The following C1GALT1 variants were observed in gnomAD, a reference collection of about 807,000 sequenced individuals.
C1GALT1 encodes glycoprotein-N-acetylgalactosamine 3-beta-galactosyltransferase 1.
In C1GALT1, 11 loss-of-function variants were observed where a neutral mutation model predicts 31.0. That is an observed-to-expected ratio of 0.36 (90% CI 0.22 to 0.59). The LOEUF (loss-of-function observed/expected upper bound fraction) is 0.59, where lower values mean the gene tolerates loss of function less well. Ranked by LOEUF, C1GALT1 falls within the 20% of genes least tolerant of loss-of-function variation. C1GALT1 has a pLI of 0.79. For synonymous variants in C1GALT1, 175 were observed against 143.6 expected (o/e 1.22, Z -1.56); for missense variants, 424 against 425.2 (o/e 1.00, Z 0.03).
At chr7:7,227,442 C>CG (rs957482637) in intron 1 of C1GALT1, among the ~76,000 whole-genome samples, 3 of 152,116 alleles carry the variant, frequency 2.0e-5, no homozygotes, top group Non-Finnish European at 4.4e-5. Flanking sequence ...AAGGGAAGGC[C>CG]GGGCGCGGTG....
chr7:7,210,303 G>A (rs955353934), intron 1 of C1GALT1: 1 of 152,358 alleles, frequency 6.6e-6, no homozygotes, highest in Non-Finnish European at 1.5e-5. Flanking sequence ...TGACTTGATT[G>A]CGAAGCATCT....
At chr7:7,189,691 T>G (rs552123746) in intron 1 of C1GALT1, among the ~76,000 whole-genome samples, 1 of 152,132 alleles carries the variant, frequency 6.6e-6, no homozygotes, top group Non-Finnish European at 1.5e-5. Context: ...TTGCCAGAAG[T>G]TTATCCAATG....
intron 1 of C1GALT1, among the ~76,000 whole-genome samples, chr7:7,205,699 T>C (rs1420935374): frequency 1.3e-5 from 2 of 152,224 alleles, no homozygotes; most frequent in African/African-American, 4.8e-5. Flanking sequence ...TGATTTAAAG[T>C]CAATTTTGTC....
intron 1 of C1GALT1, among the ~76,000 whole-genome samples, chr7:7,227,174 CTAATA>C (rs559236697): frequency 1.2e-4 from 19 of 152,142 alleles, no homozygotes; most frequent in South Asian, 8.3e-4. Flanking sequence ...TCAAATAAAT[CTAATA>C]TGTTAATTCT....
At chr7:7,178,320 C>G (rs538386614), upstream of C1GALT1, 8 of 228,896 alleles carry the variant, frequency 3.5e-5, no homozygotes, top group Non-Finnish European at 5.9e-5. Context: ...ATGCATCAGA[C>G]TGGTCATTTG....
intron 1 of C1GALT1, among the ~76,000 whole-genome samples, chr7:7,218,369 A>T (rs548134822): frequency 2.6e-5 from 4 of 152,212 alleles, no homozygotes; most frequent in Admixed American, 1.3e-4. Context: ...GGCATTGAAA[A>T]GTATTATATT....
chr7:7,217,490 C>T (rs1312753812), intron 1 of C1GALT1, among the ~76,000 whole-genome samples: 1 of 152,142 alleles, frequency 6.6e-6, no homozygotes, highest in Non-Finnish European at 1.5e-5. Flanking sequence ...ATGCCACCTG[C>T]ACCTGGCAGT....
chr7:7,240,871 A>G (rs1438404673), intron 3 of C1GALT1, among the ~76,000 whole-genome samples: 2 of 152,086 alleles, frequency 1.3e-5, no homozygotes, highest in Non-Finnish European at 2.9e-5. Context: ...AATCTTATAC[A>G]TACTTTTTTT....
rs1449304511 is a variant in C1GALT1, at chr7:7,182,785, C to G, written c.-53C>G. On this transcript the variant is annotated 5_prime_UTR_variant, in exon 1 of 4. Coordinates refer to ENST00000436587, the MANE Select transcript of C1GALT1 (RefSeq NM_020156.5). ...CCCAAGTCGTCCCCCTCTCCGCCCC[C>G]CAGGAGGGGCGAGAGGGAGCCGCAG... is the stretch of plus-strand genomic sequence containing the variant. The G allele has an allele frequency of 5.1e-6, 5 of 985,298 alleles. No individual in the cohort carries two copies. The highest frequency in any genetic ancestry group is 6.2e-5 in the Admixed American group (1 of 16,260). 61.0% of individuals were successfully genotyped at this position (985,298 alleles called of 1,614,324 possible). A position where few individuals can be genotyped will look rare whatever the true frequency, so the allele number is the denominator to read the frequency against.
At chr7:7,230,133 T>G (rs771154493) in intron 1 of C1GALT1, among the ~76,000 whole-genome samples, 21 of 152,180 alleles carry the variant, frequency 1.4e-4, no homozygotes, top group Non-Finnish European at 2.6e-4. Context: ...AGCATAAGCA[T>G]GGTGTGTTGT....
chr7:7,207,897 T>G (rs1311933504), intron 1 of C1GALT1, among the ~76,000 whole-genome samples: 2 of 152,186 alleles, frequency 1.3e-5, no homozygotes, highest in Admixed American at 1.3e-4. Flanking sequence ...AAGCTGGATA[T>G]GTAATACAAT....
chr7:7,173,702 G>C (rs895672439), intron 2 of C1GALT1, among the ~76,000 whole-genome samples: 1 of 152,112 alleles, frequency 6.6e-6, no homozygotes, highest in African/African-American at 2.4e-5. Flanking sequence ...AGGAGTTGAA[G>C]ACCAGTCTGC....
chr7:7,216,324 C>T (rs988697296), intron 1 of C1GALT1, among the ~76,000 whole-genome samples: 2 of 152,186 alleles, frequency 1.3e-5, no homozygotes, highest in Admixed American at 6.5e-5. Flanking sequence ...TGGATTCCGG[C>T]ACCTTCTTAA....
chr7:7,167,625 C>A (rs563124139), intron 2 of C1GALT1, among the ~76,000 whole-genome samples: 1 of 151,234 alleles, frequency 6.6e-6, no homozygotes, highest in Non-Finnish European at 1.5e-5. Context: ...TTGAGAGGGT[C>A]TTTTCAAGCA....
At chr7:7,171,358 T>G (rs1203645434) in intron 2 of C1GALT1, among the ~76,000 whole-genome samples, 1 of 152,148 alleles carries the variant, frequency 6.6e-6, no homozygotes, top group Non-Finnish European at 1.5e-5. Flanking sequence ...CAATATATAA[T>G]GTCCTTCTTT....
intron 2 of C1GALT1, among the ~76,000 whole-genome samples, chr7:7,167,667 T>G (rs548636985): frequency 6.6e-6 from 1 of 152,254 alleles, no homozygotes; most frequent in East Asian, 1.9e-4. Flanking sequence ...CTTATAAGAT[T>G]GTCCTTGGAC....
Position 7,234,184 on chromosome 7 carries a change from A to T in C1GALT1, c.-17-119A>T, listed in dbSNP as rs1783225517. On this transcript the variant is annotated intron_variant, in intron 1 of 3. Coordinates refer to ENST00000436587, the MANE Select transcript of C1GALT1 (RefSeq NM_020156.5). ...CAAATAGAGGGGTAAACTCATAGATAATAGCTAAATACTGTTAGAAATTAA... is the reference window on the plus strand; with the variant it reads ...CAAATAGAGGGGTAAACTCATAGATTATAGCTAAATACTGTTAGAAATTAA... 4.2e-6 allele frequency: 3 copies of T among 718,022 alleles called. No individual in the cohort carries two copies. The African/African-American group carries it at 5.4e-5, about 13-fold the overall frequency. The allele number at this position is 718,022 out of a possible 1,614,324, so 44.5% of individuals were successfully genotyped here. A position where few individuals can be genotyped will look rare whatever the true frequency, so the allele number is the denominator to read the frequency against.
chr7:7,244,077 T>G lies in C1GALT1; in HGVS notation c.*350T>G, dbSNP rs1310311101. 1 of 164,154 alleles carries G rather than the reference T, an allele frequency of 6.1e-6. No homozygotes were observed. Among genetic ancestry groups the G allele is most frequent in the Non-Finnish European group, 1.3e-5 (1 of 75,704 alleles). The allele number at this position is 164,154 out of a possible 1,614,324, so 10.2% of individuals were successfully genotyped here. ...AATAGTAAATTTACTAAAACTACAC[T>G]GCACCATGTTAGTAATAAACAGATC... On this transcript the variant is annotated 3_prime_UTR_variant, in exon 4 of 4. Transcript: ENST00000436587.
At chr7:7,188,101 A>G (rs1160669342) in intron 1 of C1GALT1, among the ~76,000 whole-genome samples, 1 of 152,104 alleles carries the variant, frequency 6.6e-6, no homozygotes, top group Non-Finnish European at 1.5e-5. Context: ...AAATAGGATA[A>G]ATACTAGAAA....
Sources: gnomAD v4.1 joint callset for allele counts (sites outside exome capture counted in the v4.1 genomes callset) on GRCh38, gnomAD v4.1.1 for gene constraint, MANE v1.5 for transcripts, NCBI Gene and HGNC (gene_info 2026-07-23, HGNC 2026-07-21) for gene names.